The following SHISA9 variants were observed in gnomAD, a reference collection of about 807,000 sequenced individuals.
The protein encoded by SHISA9 is shisa family member 9.
A neutral mutation model predicts 38.0 loss-of-function variants in SHISA9; 13 were observed. The observed-to-expected ratio is 0.34, with a 90% CI of 0.22 to 0.54. The LOEUF (loss-of-function observed/expected upper bound fraction) is 0.54, where lower values mean the gene tolerates loss of function less well. Ranked by LOEUF, SHISA9 falls within the 20% of genes least tolerant of loss-of-function variation. The pLI is 0.91. For synonymous variants in SHISA9, 275 were observed against 242.0 expected (o/e 1.14, Z -1.27); for missense variants, 538 against 575.8 (o/e 0.93, Z 0.67).
chr16:13,334,502 T>C, the SHISA9 span, among the ~76,000 whole-genome samples: 1 of 152,094 alleles, frequency 6.6e-6, no homozygotes, highest in Non-Finnish European at 1.5e-5. Flanking sequence ...AGGCCGGGTG[T>C]GTTGGCTCAT....
At chr16:13,281,669 A>G in the SHISA9 span, among the ~76,000 whole-genome samples, 8 of 149,454 alleles carry the variant, frequency 5.4e-5, no homozygotes, top group Non-Finnish European at 1.2e-4. Flanking sequence ...ATTTTCAGTG[A>G]TTGTTCTAGG....
At chr16:13,479,199 C>G in the SHISA9 span, among the ~76,000 whole-genome samples, 1 of 152,186 alleles carries the variant, frequency 6.6e-6, no homozygotes, top group Admixed American at 6.5e-5. Flanking sequence ...ATCTAACTCT[C>G]CAGCTTCCCT....
chr16:13,143,978 A>G (rs141527698), intron 2 of SHISA9, among the ~76,000 whole-genome samples: 45 of 152,282 alleles, frequency 3.0e-4, no homozygotes, highest in African/African-American at 1.0e-3. Context: ...CATTTGATCT[A>G]TTTCATAAAA....
intron 2 of SHISA9, among the ~76,000 whole-genome samples, chr16:13,174,303 G>T (rs1944038322): frequency 6.6e-6 from 1 of 152,102 alleles, no homozygotes; most frequent in Non-Finnish European, 1.5e-5. Flanking sequence ...CCTGCCTTAT[G>T]CTGGGCTCTG....
chr16:13,455,203 C>A, the SHISA9 span, among the ~76,000 whole-genome samples: 1 of 152,138 alleles, frequency 6.6e-6, no homozygotes, highest in Non-Finnish European at 1.5e-5. Context: ...CCCTTCTATG[C>A]CCTATTTCAC....
At chr16:13,547,965 A>G in the SHISA9 span, among the ~76,000 whole-genome samples, 3 of 152,196 alleles carry the variant, frequency 2.0e-5, no homozygotes, top group African/African-American at 7.2e-5. Flanking sequence ...ACTTCAAAAT[A>G]CATTACAAGT....
intron 2 of SHISA9, among the ~76,000 whole-genome samples, chr16:12,924,394 T>G (rs560973635): frequency 6.6e-6 from 1 of 152,322 alleles, no homozygotes; most frequent in East Asian, 1.9e-4. Context: ...AAAAGCCCAG[T>G]GAAACTCTAG....
Position 13,060,863 on chromosome 16 carries a change from A to C in SHISA9, c.692-142531A>C, listed in dbSNP as rs574091467. ...GACAAGAGCCCAGCCTGGCTGTTAG[A>C]ATGGGTTAGGGCTATGCAAAGAGTA... On this transcript the variant is annotated intron_variant, in intron 2 of 4. Transcript: ENST00000558583. 1.8e-4 allele frequency among the ~76,000 whole-genome samples: 28 copies of C among 152,214 alleles called. 1 individual carries two copies. Among genetic ancestry groups the C allele is most frequent in the African/African-American group, 6.7e-4 (28 of 41,520 alleles).
chr16:13,486,308 G>A, the SHISA9 span, among the ~76,000 whole-genome samples: 1 of 152,212 alleles, frequency 6.6e-6, no homozygotes. Context: ...AGGATTGAGA[G>A]AAGAGATTTT....
intron 2 of SHISA9, among the ~76,000 whole-genome samples, chr16:12,987,357 A>G (rs1050325037): frequency 1.3e-5 from 2 of 152,236 alleles, no homozygotes; most frequent in Admixed American, 6.5e-5. Flanking sequence ...ATGCCCATCA[A>G]TGATAGACTG....
the SHISA9 span, among the ~76,000 whole-genome samples, chr16:13,286,364 C>T: frequency 1.3e-5 from 2 of 152,144 alleles, no homozygotes; most frequent in African/African-American, 4.8e-5. Flanking sequence ...GGGTTCACAG[C>T]TTTAAACCCG....
chr16:13,061,323 G>T (rs575113328), intron 2 of SHISA9, among the ~76,000 whole-genome samples: 1 of 152,254 alleles, frequency 6.6e-6, no homozygotes, highest in South Asian at 2.1e-4. Context: ...AATAATAACA[G>T]GATGATGTTA....
chr16:13,153,863 G>A (rs1407797552), intron 2 of SHISA9, among the ~76,000 whole-genome samples: 2 of 148,324 alleles, frequency 1.3e-5, no homozygotes, highest in Non-Finnish European at 3.0e-5. Context: ...TCAGTGTTGT[G>A]ATATAATTAC....
At chr16:13,006,125 A>G (rs935993575) in intron 2 of SHISA9, among the ~76,000 whole-genome samples, 1 of 152,206 alleles carries the variant, frequency 6.6e-6, no homozygotes, top group Non-Finnish European at 1.5e-5. Flanking sequence ...ATTAGCTAAC[A>G]TATCATCTGT....
the SHISA9 span, among the ~76,000 whole-genome samples, chr16:13,383,312 G>A: frequency 6.6e-6 from 1 of 152,196 alleles, no homozygotes; most frequent in Admixed American, 6.5e-5. Flanking sequence ...AAAGGCTCAA[G>A]GCAGGAGTGT....
chr16:13,486,908 T>C, the SHISA9 span, among the ~76,000 whole-genome samples: 1 of 152,198 alleles, frequency 6.6e-6, no homozygotes, highest in African/African-American at 2.4e-5. Flanking sequence ...TTCTCCATGT[T>C]AGTCAGGCTG....
the SHISA9 span, among the ~76,000 whole-genome samples, chr16:13,336,211 A>G: frequency 6.6e-6 from 1 of 152,172 alleles, no homozygotes; most frequent in Non-Finnish European, 1.5e-5. Context: ...ATTTTCTCCA[A>G]TTCAAAAGTG....
At chr16:13,360,020 C>G in the SHISA9 span, among the ~76,000 whole-genome samples, 1 of 152,208 alleles carries the variant, frequency 6.6e-6, no homozygotes, top group East Asian at 1.9e-4. Flanking sequence ...CACCTGAGTT[C>G]TGTACCTTGG....
At chr16:13,506,512 G>C in the SHISA9 span, among the ~76,000 whole-genome samples, 2 of 152,154 alleles carry the variant, frequency 1.3e-5, no homozygotes, top group Non-Finnish European at 2.9e-5. Context: ...GACGACGGTT[G>C]CATGGAAAAG....
Sources: gnomAD v4.1 joint callset for allele counts (sites outside exome capture counted in the v4.1 genomes callset) on GRCh38, gnomAD v4.1.1 for gene constraint, MANE v1.5 for transcripts, NCBI Gene and HGNC (gene_info 2026-07-23, HGNC 2026-07-21) for gene names.